Variants in MRPL27 observed in about 807,000 individuals in gnomAD.
The protein encoded by MRPL27 is large ribosomal subunit protein bL27m.
MRPL27 carries 4 observed loss-of-function variants against 14.6 expected under a neutral mutation model. The observed-to-expected ratio is 0.27, with a 90% confidence interval of 0.14 to 0.63. MRPL27 has a LOEUF of 0.63. Ranked by LOEUF, MRPL27 falls within the 20% of genes least tolerant of loss-of-function variation. The pLI, the probability that MRPL27 is intolerant of heterozygous loss-of-function variation, is 0.85. For synonymous variants in MRPL27, 82 were observed against 75.5 expected, an observed-to-expected ratio of 1.09 and a Z score of -0.45; for missense variants, 196 against 192.8, an observed-to-expected ratio of 1.02 and a Z score of -0.10.
rs759861329 is a variant in MRPL27, at chr17:50,370,505, T to A, written c.122A>T (p.Asn41Ile). 1 of 1,613,950 alleles carries A rather than the reference T, an allele frequency of 6.2e-7. No individual in the cohort carries two copies. Among genetic ancestry groups the A allele is most frequent in the South Asian group, 1.1e-5 (1 of 91,074 alleles). Residue 41 changes from asparagine (N) to isoleucine (I), a missense_variant, in exon 2 of 4, where the codon AAC (asparagine) becomes ATC (isoleucine). Asn to Ile is a moderately radical substitution (Grantham distance 149, BLOSUM62 -3). Transcript: ENST00000225969. Reference protein sequence around the residue: ...ASKKSGGSSKNLGGKSSGRRQ... With the variant: ...ASKKSGGSSKILGGKSSGRRQ... ...TCTGCCTGATGACTTTCCACCGAGG[T>A]TTTTGGAGCTACCACCCGACTTCTT...
intron 1 of MRPL27, 142 bp downstream of exon 1, chr17:50,372,989 G>A: frequency 1.7e-6 from 2 of 1,171,248 alleles, no homozygotes; most frequent in South Asian, 2.8e-5. Flanking sequence ...CAGCGACACC[G>A]TCCCTCAAAC....
rs142597874 is a variant in MRPL27 at position 50,370,776 on chromosome 17, G to A, written c.41-190C>T. On this transcript the variant is annotated intron_variant, in intron 1 of 3. Transcript: ENST00000225969. ...CTTGGCTTTCTCCTTTTGGGGGAGGGGGCGGGGGAGCAGTGAAACACAAAT... is the reference window on the plus strand; with the variant it reads ...CTTGGCTTTCTCCTTTTGGGGGAGGAGGCGGGGGAGCAGTGAAACACAAAT... The A allele has an allele frequency of 1.0e-3, 644 of 640,512 alleles. 6 individuals carry two copies. In the African/African-American group the frequency reaches 0.011, roughly 11 times the overall value. The allele number at this position is 640,512 out of a possible 1,614,324, so 39.7% of individuals were successfully genotyped here.
At chr17:50,372,979 C>G in intron 1 of MRPL27, 152 bp downstream of exon 1, 1 of 1,077,854 alleles carries the variant, frequency 9.3e-7, no homozygotes, top group Admixed American at 2.2e-5. Context: ...GTCACGTGAC[C>G]AGCGACACCG....
At position 50,370,033 on chromosome 17, in the gene MRPL27, T is replaced by C; in HGVS notation, c.239A>G (p.His80Arg). ...QRHFRWHPGA[H>R]VGVGKNKCLY... is the part of the protein sequence containing the mutation. ...GGGGGCAGCAACGGAGCAACTCACA[T>C]GGGCACCTGGGTGCCAGCGGAAATG... The change falls in exon 3 of 4, where the codon CAT becomes CGT. Residue 80 changes from histidine to arginine, a missense_variant and splice_region_variant. His to Arg is a conservative substitution (Grantham distance 29). Transcript: ENST00000225969. 1.2e-6 allele frequency: 2 copies of C among 1,613,936 alleles called. No homozygotes were observed. Among genetic ancestry groups the C allele is most frequent in the African/African-American group, 2.7e-5 (2 of 75,030 alleles).
chr17:50,371,949 T>C lies in MRPL27; in HGVS notation c.40+1182A>G, dbSNP rs559992678. Among the ~76,000 whole-genome samples, 58 of 152,314 alleles carry C rather than the reference T, an allele frequency of 3.8e-4. 1 individual carries two copies. The highest frequency in any genetic ancestry group is 1.3e-3 in the African/African-American group (53 of 41,580). Reference sequence around the variant, plus strand: ...GTTGCTTAGGCAGAAACCAGAGTCATTGCAGATTCCTTCTCTTTGCTGTCC... The same window carrying C: ...GTTGCTTAGGCAGAAACCAGAGTCACTGCAGATTCCTTCTCTTTGCTGTCC... On this transcript the variant is annotated intron_variant, in intron 1 of 3. Coordinates refer to ENST00000225969, the MANE Select transcript of MRPL27 (RefSeq NM_016504.3).
intron 2 of MRPL27, 156 bp downstream of exon 2, chr17:50,370,299 G>C: frequency 1.5e-6 from 2 of 1,305,652 alleles, no homozygotes; most frequent in Non-Finnish European, 2.1e-6. Flanking sequence ...CCACCCACTC[G>C]ATGACCCTTC....
Position 50,368,186 on chromosome 17 carries a change from G to C in MRPL27, c.353C>G (p.Thr118Ser). ...PRNTEAVDLI[T>S]RLPKGAVLYK... is the part of the protein sequence containing the mutation. ...GAGCACAGCACCCTTGGGCAGCCTG[G>C]TGATCAGATCCACAGCCTCCGTGTT... is the stretch of plus-strand genomic sequence containing the variant. The change falls in exon 4 of 4, where the codon ACC becomes AGC. Residue 118 changes from threonine to serine, a missense_variant. Coordinates refer to ENST00000225969, the MANE Select transcript of MRPL27 (RefSeq NM_016504.3). 1 of 1,614,230 alleles carries C rather than the reference G, an allele frequency of 6.2e-7. No individual in the cohort carries two copies. The highest frequency in any genetic ancestry group is 8.5e-7 in the Non-Finnish European group (1 of 1,180,048).
intron 1 of MRPL27, 26 bp downstream of exon 1, chr17:50,373,105 C>T (rs1181371968): frequency 1.2e-6 from 2 of 1,613,888 alleles, no homozygotes; most frequent in Admixed American, 3.3e-5. Flanking sequence ...CCGCCTCACC[C>T]CGCTCTGACT....
chr17:50,368,494 G>A (rs1352881399), intron 3 of MRPL27, 196 bp from the exon 4 acceptor site: 1 of 626,216 alleles, frequency 1.6e-6, no homozygotes, highest in Non-Finnish European at 2.8e-6. Context: ...ACAAATGAGG[G>A]AAAAGAAAGC....
intron 2 of MRPL27, 94 bp downstream of exon 2, chr17:50,370,361 G>T: frequency 5.7e-6 from 9 of 1,581,010 alleles, no homozygotes; most frequent in Non-Finnish European, 6.9e-6. Context: ...TGGTAAGGAA[G>T]AACAGGGCCA....
At position 50,368,176 on chromosome 17, in the gene MRPL27, G is replaced by T; in HGVS notation, c.363C>A (p.Pro121=). ...TEAVDLITRL[P]KGAVLYKTFV... is the part of the protein sequence containing the mutation. The stretch of plus-strand genomic sequence containing the variant: ...AAGTCTTGTAGAGCACAGCACCCTT[G>T]GGCAGCCTGGTGATCAGATCCACAG... Residue 121 remains proline, a synonymous_variant, in exon 4 of 4, where the codon CCC becomes CCA. Transcript: ENST00000225969. 1 of 1,614,182 alleles carries T rather than the reference G, an allele frequency of 6.2e-7. No homozygotes were observed. The highest frequency in any genetic ancestry group is 8.5e-7 in the Non-Finnish European group (1 of 1,180,024).
Position 50,368,042 on chromosome 17 carries a change from A to G in MRPL27, c.*50T>C. 1 of 1,602,896 alleles carries G rather than the reference A, an allele frequency of 6.2e-7. No homozygotes were observed. Among genetic ancestry groups the G allele is most frequent in the South Asian group, 1.1e-5 (1 of 90,232 alleles). On this transcript the variant is annotated 3_prime_UTR_variant, in exon 4 of 4. Coordinates refer to ENST00000225969, the MANE Select transcript of MRPL27 (RefSeq NM_016504.3). The stretch of plus-strand genomic sequence containing the variant: ...CCAACCCTTGACTTCTGGTATCACC[A>G]TCTCCTGTCACCTGGGCTCCAGTCT...
upstream of MRPL27, chr17:50,373,184 CACTTCCGGTCTCG>C: frequency 6.2e-7 from 1 of 1,614,172 alleles, no homozygotes; most frequent in Non-Finnish European, 8.5e-7. Flanking sequence ...TTCGATCACT[CACTTCCGGTCTCG>C]AAAAGTTTCT....
chr17:50,372,378 T>G lies in MRPL27; in HGVS notation c.40+753A>C, dbSNP rs140026369. ...CTCCCACCTCAGCCTCCTGAGTATC[T>G]GAGACCACAGGCAAGCGCCACTACA... On this transcript the variant is annotated intron_variant, in intron 1 of 3. Transcript: ENST00000225969. Among the ~76,000 whole-genome samples, 1,064 of 152,238 alleles carry G rather than the reference T, an allele frequency of 7.0e-3. 15 individuals are homozygous for G. The highest frequency in any genetic ancestry group is 0.024 in the African/African-American group (989 of 41,518).
At position 50,367,957 on chromosome 17, in the gene MRPL27, A is replaced by T. The variant is rs1690854359; in HGVS notation, c.*135T>A. The T allele has an allele frequency of 3.1e-6, 3 of 952,970 alleles. No individual in the cohort carries two copies. The highest frequency in any genetic ancestry group is 3.4e-5 in the South Asian group (2 of 59,676). 59.0% of individuals were successfully genotyped at this position (952,970 alleles called of 1,614,324 possible). ...CAAAGGGTTTCCCAGCAGTCACTTC[A>T]GAGTCTCCTGCAGAGTCACCATCAA... On this transcript the variant is annotated 3_prime_UTR_variant, in exon 4 of 4. Coordinates refer to ENST00000225969, the MANE Select transcript of MRPL27 (RefSeq NM_016504.3).
At chr17:50,368,348 C>G in intron 3 of MRPL27, 50 bp from the exon 4 acceptor site, 1 of 1,581,220 alleles carries the variant, frequency 6.3e-7, no homozygotes, top group Non-Finnish European at 8.6e-7. Context: ...CGAGGTGGTC[C>G]GTCCCAGAAT....
intron 3 of MRPL27, 90 bp from the exon 4 acceptor site, chr17:50,368,388 G>A (rs1350345936): frequency 7.3e-7 from 1 of 1,375,038 alleles, no homozygotes; most frequent in Non-Finnish European, 1.0e-6. Flanking sequence ...ACAGAGCCGG[G>A]CCCTGGGGCT....
At position 50,370,554 on chromosome 17, in the gene MRPL27, C is replaced by T. The variant is rs769745109; in HGVS notation, c.73G>A (p.Ala25Thr). ...TTGGATGCGTATCTGACAGCAAGAG[C>T]TGTAGCCGGAGTGGGGCTTAGCAAG... ...TSLLSPTPAT[A>T]LAVRYASKKS... Residue 25 changes from alanine (A) to threonine (T), a missense_variant, in exon 2 of 4, where the codon GCT (alanine) becomes ACT (threonine). Physicochemically the swap from Ala to Thr is moderately conservative, Grantham distance 58. Transcript: ENST00000225969. 1.1e-5 allele frequency: 18 copies of T among 1,614,190 alleles called. 1 individual carries two copies. In the South Asian group the frequency reaches 1.9e-4, roughly 17 times the overall value.
Position 50,368,131 on chromosome 17 carries a change from G to C in MRPL27, c.408C>G (p.Ala136=). ...CCAGTTTGAAGGTGCCCTCAGGCTT[G>C]GCAGGAACCACGTGGACAAAAGTCT... ...LYKTFVHVVP[A]KPEGTFKLVA... Residue 136 remains alanine, a synonymous_variant, in exon 4 of 4, where the codon GCC becomes GCG. Coordinates refer to ENST00000225969, the MANE Select transcript of MRPL27 (RefSeq NM_016504.3). 1 of 1,614,188 alleles carries C rather than the reference G, an allele frequency of 6.2e-7. No homozygotes were observed. Among genetic ancestry groups the C allele is most frequent in the Non-Finnish European group, 8.5e-7 (1 of 1,180,034 alleles).
Sources: gnomAD v4.1 joint callset for allele counts (sites outside exome capture counted in the v4.1 genomes callset) on GRCh38, gnomAD v4.1.1 for gene constraint, MANE v1.5 for transcripts, NCBI Gene and HGNC (gene_info 2026-07-23, HGNC 2026-07-21) for gene names.